Variants in TLX3 observed in about 807,000 individuals in gnomAD.
TLX3 encodes the protein T cell leukemia homeobox 3.
TLX3 carries 11 observed loss-of-function variants against 19.6 expected under a neutral mutation model. The ratio of observed to expected loss-of-function variants is 0.56; its 90% CI spans 0.35 to 0.93. TLX3 has a LOEUF of 0.93. Ranked by LOEUF, TLX3 falls within the 40% of genes least tolerant of loss-of-function variation. The pLI is 0.01. For synonymous variants in TLX3, 221 were observed against 188.1 expected, an observed-to-expected ratio of 1.17 and a Z score of -1.43; for missense variants, 375 against 418.6, an observed-to-expected ratio of 0.90 and a Z score of 0.91.
rs1019433729 is a variant in TLX3 at position 171,309,531 on chromosome 5, T to C, written c.166T>C (p.Tyr56His). The change falls in exon 1 of 3, where the codon TAC becomes CAC. Residue 56 changes from tyrosine to histidine, a missense_variant. Transcript: ENST00000296921. Reference sequence around the variant, plus strand: ...CCCCGGGGGCCGTCCGGGCGCCACATACCCGTCTCTGCCCGCCTCCTTTGC... The same window carrying C: ...CCCCGGGGGCCGTCCGGGCGCCACACACCCGTCTCTGCCCGCCTCCTTTGC... ...GPPGGRPGAT[Y>H]PSLPASFAGL... 13 of 1,570,986 alleles carry C rather than the reference T, an allele frequency of 8.3e-6. No individual in the cohort carries two copies. Among genetic ancestry groups the C allele is most frequent in the East Asian group, 2.4e-5 (1 of 42,388 alleles).
In TLX3 at chr5:171,311,380, C is replaced by G. The variant is rs1281991653; in HGVS notation, c.666-9C>G. ...TGACGGTACTGTCCCTCTCCCTCCC[C>G]CGGTGCAGGCGGCAGACGGCGGAGG... is the stretch of plus-strand genomic sequence containing the variant. On this transcript the variant is annotated splice_polypyrimidine_tract_variant and intron_variant, in intron 2 of 2. Transcript: ENST00000296921. The surrounding 1 kb of genome is among the most constrained non-coding windows in gnomAD (Gnocchi z 5.1). The G allele has an allele frequency of 1.9e-6, 3 of 1,550,064 alleles. No homozygotes were observed. The highest frequency in any genetic ancestry group is 2.4e-5 in the East Asian group (1 of 40,986).
chr5:171,310,059 C>G, intron 1 of TLX3, 91 bp from the exon 2 acceptor site: 1 of 1,464,728 alleles, frequency 6.8e-7, no homozygotes, highest in Non-Finnish European at 9.0e-7. Context: ...GCGGAGCTCT[C>G]CGTGTCCCAC....
Position 171,311,362 on chromosome 5 carries a change from ACTGTCCCT to A in TLX3, c.666-24_666-17del. On this transcript the variant is annotated intron_variant, in intron 2 of 2. Coordinates refer to ENST00000296921, the MANE Select transcript of TLX3 (RefSeq NM_021025.4). This position sits in a 1 kb window ranked among gnomAD's most constrained non-coding sequence, Gnocchi z 5.1. ...CCCGCGGTGCCGGGTGCATGACGGT[ACTGTCCCT>A]CTCCCTCCCCCGGTGCAGGCGGCAG... 1 of 1,545,180 alleles carries A rather than the reference ACTGTCCCT, an allele frequency of 6.5e-7. No individual in the cohort carries two copies. Among genetic ancestry groups the A allele is most frequent in the Non-Finnish European group, 8.7e-7 (1 of 1,144,744 alleles).
Position 171,311,677 on chromosome 5 carries a change from G to T in TLX3, c.*78G>T. On this transcript the variant is annotated 3_prime_UTR_variant, in exon 3 of 3. Transcript: ENST00000296921. This position sits in a 1 kb window ranked among gnomAD's most constrained non-coding sequence, Gnocchi z 5.1. ...CCCCGGACCCCCCAGGCGGGCTGCGGGGGAACCGGCGCCGAGAGGGGAAGG... is the reference window on the plus strand; with the variant it reads ...CCCCGGACCCCCCAGGCGGGCTGCGTGGGAACCGGCGCCGAGAGGGGAAGG... The T allele has an allele frequency of 1.7e-6, 2 of 1,193,068 alleles. No homozygotes were observed. Among genetic ancestry groups the T allele is most frequent in the Non-Finnish European group, 2.3e-6 (2 of 857,972 alleles). The allele number at this position is 1,193,068 out of a possible 1,614,324, so 73.9% of individuals were successfully genotyped here.
chr5:171,311,252 C>A lies in TLX3; in HGVS notation c.666-137C>A. The A allele has an allele frequency of 1.5e-6, 1 of 677,898 alleles. No individual in the cohort carries two copies. The highest frequency in any genetic ancestry group is 2.4e-6 in the Non-Finnish European group (1 of 409,210). The allele number at this position is 677,898 out of a possible 1,614,324, so 42.0% of individuals were successfully genotyped here. On this transcript the variant is annotated intron_variant, in intron 2 of 2. Coordinates refer to ENST00000296921, the MANE Select transcript of TLX3 (RefSeq NM_021025.4). This position sits in a 1 kb window ranked among gnomAD's most constrained non-coding sequence, Gnocchi z 5.1. Reference sequence around the variant, plus strand: ...GGATATAAGAGCCTCGGGCGTAAAGCGCGGGCTGGGAGGCAGACGGGTTCT... The same window carrying A: ...GGATATAAGAGCCTCGGGCGTAAAGAGCGGGCTGGGAGGCAGACGGGTTCT...
chr5:171,311,219 G>C lies in TLX3; in HGVS notation c.666-170G>C, dbSNP rs530672388. 5.1e-4 allele frequency among the ~76,000 whole-genome samples: 77 copies of C among 152,256 alleles called. 2 individuals carry two copies. In the South Asian group the frequency reaches 0.015, roughly 29 times the overall value. On this transcript the variant is annotated intron_variant, in intron 2 of 2. Coordinates refer to ENST00000296921, the MANE Select transcript of TLX3 (RefSeq NM_021025.4). This position sits in a 1 kb window ranked among gnomAD's most constrained non-coding sequence, Gnocchi z 5.1. ...ACAACAAAAACAAATGATCCTAACC[G>C]GCTCCCTGGATATAAGAGCCTCGGG...
In TLX3 at chr5:171,311,849, G is replaced by C. The variant is rs1314633768; in HGVS notation, c.*250G>C. On this transcript the variant is annotated 3_prime_UTR_variant, in exon 3 of 3. Coordinates refer to ENST00000296921, the MANE Select transcript of TLX3 (RefSeq NM_021025.4). The surrounding 1 kb of genome is among the most constrained non-coding windows in gnomAD (Gnocchi z 5.1). ...CCAGGCCCGGGCCTGACAAGAAAGC[G>C]CCTTACGTTTCTCCGCCCCCCGCCC... is the stretch of plus-strand genomic sequence containing the variant. The C allele has an allele frequency of 3.0e-6, 1 of 330,694 alleles. No homozygotes were observed. Among genetic ancestry groups the C allele is most frequent in the Non-Finnish European group, 5.5e-6 (1 of 183,434 alleles). 20.5% of individuals were successfully genotyped at this position (330,694 alleles called of 1,614,324 possible).
In TLX3 at chr5:171,309,515, C is replaced by T. The variant is rs749054079; in HGVS notation, c.150C>T (p.Gly50=). The stretch of plus-strand genomic sequence containing the variant: ...GCTACCTGGGAGGGCCCCCCGGGGG[C>T]CGTCCGGGCGCCACATACCCGTCTC... ...GASYLGGPPG[G]RPGATYPSLP... The change falls in exon 1 of 3, where the codon GGC becomes GGT. Residue 50 remains glycine, a synonymous_variant. Transcript: ENST00000296921. 1.3e-5 allele frequency: 21 copies of T among 1,564,436 alleles called. No individual in the cohort carries two copies. Among genetic ancestry groups the T allele is most frequent in the Non-Finnish European group, 1.8e-5 (21 of 1,158,158 alleles).
rs751012920 is a variant in TLX3 at position 171,309,487 on chromosome 5, C to T, written c.122C>T (p.Ala41Val). The T allele has an allele frequency of 6.3e-7, 1 of 1,587,274 alleles. No homozygotes were observed. The highest frequency in any genetic ancestry group is 1.1e-5 in the South Asian group (1 of 88,558). Residue 41 changes from alanine to valine, a missense_variant, in exon 1 of 3, where the codon GCC becomes GTC. Physicochemically the swap from Ala to Val is moderately conservative, Grantham distance 64. Around this residue, in one of 3 missense-constraint regions of TLX3, gnomAD observed 239 missense variants for 217.0 expected, o/e 1.10. Transcript: ENST00000296921. ...CCCGCCCCGCGGGGCCCCGACGGCG[C>T]CAGCTACCTGGGAGGGCCCCCCGGG... ...SAPAPRGPDGASYLGGPPGGR... is the reference protein window; with the variant it reads ...SAPAPRGPDGVSYLGGPPGGR...
Position 171,311,655 on chromosome 5 carries a change from C to A in TLX3, c.*56C>A. On this transcript the variant is annotated 3_prime_UTR_variant, in exon 3 of 3. Transcript: ENST00000296921. The surrounding 1 kb of genome is among the most constrained non-coding windows in gnomAD (Gnocchi z 5.1). ...GCCGCCCCCACCCAGCCGGGCGCCCCGGACCCCCCAGGCGGGCTGCGGGGG... is the reference window on the plus strand; with the variant it reads ...GCCGCCCCCACCCAGCCGGGCGCCCAGGACCCCCCAGGCGGGCTGCGGGGG... The A allele has an allele frequency of 7.0e-7, 1 of 1,423,180 alleles. No individual in the cohort carries two copies. The highest frequency in any genetic ancestry group is 2.5e-5 in the East Asian group (1 of 39,650). 88.2% of individuals were successfully genotyped at this position (1,423,180 alleles called of 1,614,324 possible).
rs774911896 is a variant in TLX3 at position 171,309,355 on chromosome 5, G to T, written c.-11G>T. 9.2e-6 allele frequency: 7 copies of T among 757,974 alleles called. No individual in the cohort carries two copies. Among genetic ancestry groups the T allele is most frequent in the African/African-American group, 2.2e-5 (1 of 45,388 alleles). 47.0% of individuals were successfully genotyped at this position (757,974 alleles called of 1,614,324 possible). On this transcript the variant is annotated 5_prime_UTR_variant, in exon 1 of 3. Transcript: ENST00000296921. Reference sequence around the variant, plus strand: ...CCGCCCAGCCCAGCCCAGCCCTTCCGCCCGCCCAGGATGGAGGCGCCCGCC... The same window carrying T: ...CCGCCCAGCCCAGCCCAGCCCTTCCTCCCGCCCAGGATGGAGGCGCCCGCC...
rs1004132766 is a variant in TLX3 at position 171,309,528 on chromosome 5, A to G, written c.163A>G (p.Thr55Ala). The G allele has an allele frequency of 5.7e-6, 9 of 1,570,762 alleles. No individual in the cohort carries two copies. The African/African-American group carries it at 9.6e-5, about 17-fold the overall frequency. The change falls in exon 1 of 3, where the codon ACA becomes GCA. Residue 55 changes from threonine to alanine, a missense_variant. Around this residue, in one of 3 missense-constraint regions of TLX3, gnomAD observed 239 missense variants for 217.0 expected, o/e 1.10. Coordinates refer to ENST00000296921, the MANE Select transcript of TLX3 (RefSeq NM_021025.4). ...GGPPGGRPGA[T>A]YPSLPASFAG... ...GCCCCCCGGGGGCCGTCCGGGCGCCACATACCCGTCTCTGCCCGCCTCCTT... is the reference window on the plus strand; with the variant it reads ...GCCCCCCGGGGGCCGTCCGGGCGCCGCATACCCGTCTCTGCCCGCCTCCTT...
At position 171,311,559 on chromosome 5, in the gene TLX3, A is replaced by T; in HGVS notation, c.836A>T (p.Glu279Val). 6.2e-7 allele frequency: 1 copy of T among 1,612,836 alleles called. No individual in the cohort carries two copies. Among genetic ancestry groups the T allele is most frequent in the South Asian group, 1.1e-5 (1 of 90,842 alleles). Reference protein sequence around the residue: ...FALQNLQPWEEDSSKVPAVTS... With the variant: ...FALQNLQPWEVDSSKVPAVTS... ...CTGCAGAATCTGCAGCCCTGGGAGG[A>T]GGATAGTTCCAAGGTTCCCGCTGTC... Residue 279 changes from glutamate (E) to valine (V), a missense_variant, in exon 3 of 3, where the codon GAG becomes GTG. Transcript: ENST00000296921. This position sits in a 1 kb window ranked among gnomAD's most constrained non-coding sequence, Gnocchi z 5.1.
rs1407905528 is a variant in TLX3 at position 171,311,773 on chromosome 5, A to C, written c.*174A>C. 2.3e-6 allele frequency: 1 copy of C among 441,206 alleles called. No homozygotes were observed. Among genetic ancestry groups the C allele is most frequent in the Admixed American group, 4.6e-5 (1 of 21,806 alleles). 27.3% of individuals were successfully genotyped at this position (441,206 alleles called of 1,614,324 possible). ...GGGCCGCGGAAGGGGGTAGGGCCCG[A>C]GCTCCGCGCGGCCGCACAATCCGAG... is the stretch of plus-strand genomic sequence containing the variant. On this transcript the variant is annotated 3_prime_UTR_variant, in exon 3 of 3. Coordinates refer to ENST00000296921, the MANE Select transcript of TLX3 (RefSeq NM_021025.4). This position sits in a 1 kb window ranked among gnomAD's most constrained non-coding sequence, Gnocchi z 5.1.
chr5:171,309,850 T>C, intron 1 of TLX3, 64 bp downstream of exon 1: 1 of 1,478,896 alleles, frequency 6.8e-7, no homozygotes, highest in Non-Finnish European at 8.9e-7. Context: ...CGCCGCGCCC[T>C]GTGCGCTCCA....
rs1344323810 is a variant in TLX3, at chr5:171,311,240, TC to T, written c.666-148del. ...AACCGGCTCCCTGGATATAAGAGCCTCGGGCGTAAAGCGCGGGCTGGGAGGC... is the reference window on the plus strand; with the variant it reads ...AACCGGCTCCCTGGATATAAGAGCCTGGGCGTAAAGCGCGGGCTGGGAGGC... On this transcript the variant is annotated intron_variant, in intron 2 of 2. Coordinates refer to ENST00000296921, the MANE Select transcript of TLX3 (RefSeq NM_021025.4). This position sits in a 1 kb window ranked among gnomAD's most constrained non-coding sequence, Gnocchi z 5.1. 1.6e-5 allele frequency: 10 copies of T among 641,014 alleles called. No homozygotes were observed. In the East Asian group the frequency reaches 2.8e-4, roughly 18 times the overall value. The allele number at this position is 641,014 out of a possible 1,614,324, so 39.7% of individuals were successfully genotyped here.
chr5:171,311,384 T>G lies in TLX3; in HGVS notation c.666-5T>G, dbSNP rs1248208747. On this transcript the variant is annotated splice_polypyrimidine_tract_variant and splice_region_variant and intron_variant, in intron 2 of 2. Coordinates refer to ENST00000296921, the MANE Select transcript of TLX3 (RefSeq NM_021025.4). The surrounding 1 kb of genome is among the most constrained non-coding windows in gnomAD (Gnocchi z 5.1). ...GGTACTGTCCCTCTCCCTCCCCCGG[T>G]GCAGGCGGCAGACGGCGGAGGAGCG... is the stretch of plus-strand genomic sequence containing the variant. The G allele has an allele frequency of 3.2e-6, 5 of 1,547,384 alleles. No individual in the cohort carries two copies. The African/African-American group carries it at 6.9e-5, about 21-fold the overall frequency.
At chr5:171,309,835 A>G (rs750370982) in intron 1 of TLX3, 49 bp downstream of exon 1, 8 of 1,501,976 alleles carry the variant, frequency 5.3e-6, no homozygotes, top group Non-Finnish European at 7.1e-6. Context: ...TCTCGGGGCC[A>G]GAGGCGCCGC....
Position 171,309,760 on chromosome 5 carries a change from G to T in TLX3, c.395G>T (p.Arg132Leu). ...AATTTCCCCTGGATGGAGAGCAGCC[G>T]CCGCTTCGTGAAAGACCGCTTCACA... Reference protein sequence around the residue: ...GLNFPWMESSRRFVKDRFTAA... With the variant: ...GLNFPWMESSLRFVKDRFTAA... Residue 132 changes from arginine (R) to leucine (L), a missense_variant, in exon 1 of 3, where the codon CGC becomes CTC. Physicochemically the swap from Arg to Leu is moderately radical, Grantham distance 102 (BLOSUM62 -2). Coordinates refer to ENST00000296921, the MANE Select transcript of TLX3 (RefSeq NM_021025.4). 4 of 1,606,634 alleles carry T rather than the reference G, an allele frequency of 2.5e-6. No individual in the cohort carries two copies. In the South Asian group the frequency reaches 3.3e-5, roughly 13 times the overall value.
Sources: gnomAD v4.1 joint callset for allele counts (sites outside exome capture counted in the v4.1 genomes callset) on GRCh38, gnomAD v4.1.1 for gene constraint, gnomAD v4.1.1 regional missense constraint, Gnocchi (gnomAD v3.1) non-coding constraint, MANE v1.5 for transcripts, NCBI Gene and HGNC (gene_info 2026-07-23, HGNC 2026-07-21) for gene names.